The following TENM2 variants were observed in gnomAD, a reference collection of about 807,000 sequenced individuals.
TENM2 encodes teneurin-2.
Under a neutral mutation model 245.2 loss-of-function variants are expected in TENM2, and 52 were observed. The ratio of observed to expected loss-of-function variants is 0.21; its 90% CI spans 0.17 to 0.27. The LOEUF is 0.27. Among genes scored for constraint, TENM2 ranks in the 10% least tolerant of loss-of-function variants. TENM2 has a pLI of 1.00. For missense variants in TENM2, 3,046 were observed against 3,666.8 expected, an observed-to-expected ratio of 0.83 and a Z score of 4.37; for synonymous variants, 1,363 against 1,438.9, an observed-to-expected ratio of 0.95 and a Z score of 1.19.
intron 12 of TENM2, among the ~76,000 whole-genome samples, chr5:168,142,984 G>A (rs1755688556): frequency 6.6e-6 from 1 of 152,216 alleles, no homozygotes; most frequent in African/African-American, 2.4e-5. Flanking sequence ...TCTAAAAATA[G>A]TTGGGGAGGG....
chr5:167,734,117 A>G (rs1561718424), intron 2 of TENM2, among the ~76,000 whole-genome samples: 1 of 152,182 alleles, frequency 6.6e-6, no homozygotes, highest in Non-Finnish European at 1.5e-5. Context: ...TTTAGGAAAT[A>G]TTTGTGGGAA....
chr5:167,416,319 A>G (rs1204373881), intron 2 of TENM2, among the ~76,000 whole-genome samples: 3 of 152,272 alleles, frequency 2.0e-5, no homozygotes, highest in Middle Eastern at 3.4e-3. Flanking sequence ...AGTAAATGCA[A>G]TCTGGTATCA....
intron 1 of TENM2, among the ~76,000 whole-genome samples, chr5:167,304,105 C>G (rs113699642): frequency 1.3e-3 from 201 of 152,292 alleles, no homozygotes; most frequent in Non-Finnish European, 2.6e-3. Flanking sequence ...ATTACACATA[C>G]GCAACCCATG....
At chr5:167,423,787 C>G (rs1000266726) in intron 2 of TENM2, among the ~76,000 whole-genome samples, 1 of 152,196 alleles carries the variant, frequency 6.6e-6, no homozygotes, top group Non-Finnish European at 1.5e-5. Context: ...CACCCTCGGC[C>G]GTAAGTGAAG....
the TENM2 span, among the ~76,000 whole-genome samples, chr5:166,986,706 G>A: frequency 1.3e-5 from 2 of 152,016 alleles, no homozygotes; most frequent in Admixed American, 1.3e-4. Context: ...TTAAGAACTG[G>A]GGCACACCAT....
At chr5:167,070,648 G>T in the TENM2 span, among the ~76,000 whole-genome samples, 3 of 151,790 alleles carry the variant, frequency 2.0e-5, no homozygotes, top group South Asian at 6.3e-4. Context: ...TCCCTATCTT[G>T]CCCAGGAGGA....
At position 167,299,817 on chromosome 5, in the gene TENM2, C is replaced by T. The variant is rs562731418; in HGVS notation, c.226+14754C>T. On this transcript the variant is annotated intron_variant, in intron 1 of 28. Transcript: ENST00000518659. ...TAATGTGGGAGGCTGGATTGAAGTC[C>T]GGGCCAGGAACAATGGTAATTATGG... 7.9e-5 allele frequency among the ~76,000 whole-genome samples: 12 copies of T among 152,026 alleles called. No homozygotes were observed. In the East Asian group the frequency reaches 1.9e-3, roughly 25 times the overall value.
intron 4 of TENM2, among the ~76,000 whole-genome samples, chr5:167,960,540 C>G (rs79501533): frequency 6.6e-6 from 1 of 152,064 alleles, no homozygotes; most frequent in South Asian, 2.1e-4. Flanking sequence ...GTGGACCCCC[C>G]CTCCCTCCCA....
At chr5:167,659,396 G>A (rs1000566214) in intron 2 of TENM2, among the ~76,000 whole-genome samples, 1 of 152,148 alleles carries the variant, frequency 6.6e-6, no homozygotes, top group Non-Finnish European at 1.5e-5. Flanking sequence ...CTAGAAATAT[G>A]CAGGAAAACA....
chr5:167,126,415 T>G, the TENM2 span, among the ~76,000 whole-genome samples: 1 of 152,168 alleles, frequency 6.6e-6, no homozygotes, highest in East Asian at 1.9e-4. Flanking sequence ...TTCATATATT[T>G]CCTTCAGCTT....
intron 2 of TENM2, among the ~76,000 whole-genome samples, chr5:167,383,283 G>A (rs1438235868): frequency 6.6e-6 from 1 of 152,110 alleles, no homozygotes; most frequent in African/African-American, 2.4e-5. Flanking sequence ...TTTGGGGGGA[G>A]AGAGAGAAGA....
At chr5:167,064,201 T>C in the TENM2 span, among the ~76,000 whole-genome samples, 2 of 151,862 alleles carry the variant, frequency 1.3e-5, no homozygotes, top group Non-Finnish European at 1.5e-5. Context: ...ACTGGTGGAG[T>C]GGATATTTTC....
chr5:167,438,733 A>G (rs1429267142), intron 2 of TENM2, among the ~76,000 whole-genome samples: 2 of 151,410 alleles, frequency 1.3e-5, no homozygotes, highest in African/African-American at 4.9e-5. Flanking sequence ...TGCAAAGTGT[A>G]TCTAAGTAGT....
intron 9 of TENM2, among the ~76,000 whole-genome samples, chr5:168,111,209 TC>T (rs1345010370): frequency 6.6e-6 from 1 of 152,234 alleles, no homozygotes; most frequent in Non-Finnish European, 1.5e-5. Context: ...TTTTTGTCCT[TC>T]TGGAAATTCT....
the TENM2 span, among the ~76,000 whole-genome samples, chr5:167,053,366 C>T: frequency 2.0e-5 from 3 of 152,106 alleles, no homozygotes; most frequent in Non-Finnish European, 2.9e-5. Context: ...GAAGCACTTG[C>T]GTGATATTGG....
intron 2 of TENM2, among the ~76,000 whole-genome samples, chr5:167,854,456 C>A (rs963584114): frequency 6.6e-6 from 1 of 152,162 alleles, no homozygotes; most frequent in Non-Finnish European, 1.5e-5. Context: ...AAAGTTCAAC[C>A]CTCTCTGCTT....
chr5:168,011,974 G>T (rs960412991), intron 5 of TENM2, among the ~76,000 whole-genome samples: 1 of 152,108 alleles, frequency 6.6e-6, no homozygotes, highest in Non-Finnish European at 1.5e-5. Context: ...TTATGCATAG[G>T]CATGCATAGT....
chr5:167,541,794 A>C (rs1194086750), intron 2 of TENM2, among the ~76,000 whole-genome samples: 1 of 152,208 alleles, frequency 6.6e-6, no homozygotes, highest in African/African-American at 2.4e-5. Context: ...AAATATTTTG[A>C]AATTATACTG....
intron 2 of TENM2, among the ~76,000 whole-genome samples, chr5:167,532,416 C>T (rs1040929333): frequency 2.6e-5 from 4 of 152,040 alleles, no homozygotes; most frequent in Admixed American, 1.3e-4. Flanking sequence ...ACTTACAGTT[C>T]CATGTGGCTG....
Sources: allele counts gnomAD v4.1 joint callset (sites outside exome capture counted in the v4.1 genomes callset), GRCh38; gene constraint gnomAD v4.1.1; transcripts MANE v1.5; gene names NCBI Gene and HGNC (gene_info 2026-07-23, HGNC 2026-07-21).